TCERG1: variants seen among roughly 807,000 people sequenced by gnomAD.
The protein encoded by TCERG1 is transcription elongation regulator 1.
In TCERG1, 37 loss-of-function variants were observed where a neutral mutation model predicts 144.7. The ratio of observed to expected loss-of-function variants is 0.26; its 90% CI spans 0.20 to 0.34. The LOEUF (loss-of-function observed/expected upper bound fraction) is 0.34. Ranked by LOEUF, TCERG1 falls within the 10% of genes least tolerant of loss-of-function variation. The pLI is 1.00. For synonymous variants in TCERG1, 492 were observed against 458.2 expected (o/e 1.07, Z -0.94); for missense variants, 1,027 against 1,380.7 (o/e 0.74, Z 4.06).
intron 9 of TCERG1, among the ~76,000 whole-genome samples, chr5:146,475,527 C>A (rs1315587415): frequency 2.0e-5 from 3 of 152,106 alleles, no homozygotes; most frequent in East Asian, 3.8e-4. Context: ...CTTACCTAGC[C>A]CAATATGTCA....
intron 12 of TCERG1, among the ~76,000 whole-genome samples, 174 bp from the exon 13 acceptor site, chr5:146,480,976 T>TTA (rs1765315492): frequency 1.3e-5 from 2 of 148,348 alleles, no homozygotes; most frequent in Non-Finnish European, 3.0e-5. Flanking sequence ...GCTTTTTTTT[T>TTA]AAAAAAAAAA....
intron 15 of TCERG1, 128 bp from the exon 16 acceptor site, chr5:146,492,792 G>A (rs896139269): frequency 3.1e-6 from 2 of 638,128 alleles, no homozygotes; most frequent in South Asian, 4.2e-5. Flanking sequence ...TAGATTATCT[G>A]TGTATAATTA....
At chr5:146,497,812 T>G (rs1306150878) in intron 16 of TCERG1, among the ~76,000 whole-genome samples, 1 of 152,208 alleles carries the variant, frequency 6.6e-6, no homozygotes, top group Non-Finnish European at 1.5e-5. Context: ...CTATTCTCCC[T>G]TTAATACTAC....
At position 146,459,247 on chromosome 5, in the gene TCERG1, C is replaced by T; in HGVS notation, c.802C>T (p.Pro268Ser). 6.2e-7 allele frequency: 1 copy of T among 1,614,274 alleles called. No individual in the cohort carries two copies. Among genetic ancestry groups the T allele is most frequent in the Non-Finnish European group, 8.5e-7 (1 of 1,180,050 alleles). Reference protein sequence around the residue: ...ASTPTTSSPAPAVSTSTSSST... With the variant: ...ASTPTTSSPASAVSTSTSSST... Reference sequence around the variant, plus strand: ...CACCCCTACGACCAGTAGCCCAGCACCTGCAGTATCCACTTCAACATCATC... The same window carrying T: ...CACCCCTACGACCAGTAGCCCAGCATCTGCAGTATCCACTTCAACATCATC... The change falls in exon 4 of 23, where the codon CCT (proline) becomes TCT (serine). Residue 268 changes from proline (P) to serine (S), a missense_variant. By Grantham distance (74) the Pro-to-Ser change is moderately conservative. Around this residue, in one of 6 missense-constraint regions of TCERG1, gnomAD observed 187 missense variants for 169.1 expected, o/e 1.11. Coordinates refer to ENST00000679501, the MANE Select transcript of TCERG1 (RefSeq NM_001382548.1).
Position 146,480,195 on chromosome 5 carries a change from A to AGG in TCERG1, c.1886+102_1886+103dup, listed in dbSNP as rs1295129403. On this transcript the variant is annotated intron_variant, in intron 12 of 22. Coordinates refer to ENST00000679501, the MANE Select transcript of TCERG1 (RefSeq NM_001382548.1). ...AGGGACAGGTAATGTGAATGTTGTTAGGAGGCATGATTGCTCTCTTAGGCC... is the reference window on the plus strand; with the variant it reads ...AGGGACAGGTAATGTGAATGTTGTTAGGGGAGGCATGATTGCTCTCTTAGGCC... The AGG allele has an allele frequency of 2.8e-5, 24 of 872,160 alleles. No homozygotes were observed. The African/African-American group carries it at 3.6e-4, about 13-fold the overall frequency. 54.0% of individuals were successfully genotyped at this position (872,160 alleles called of 1,614,324 possible).
At chr5:146,469,429 C>G in intron 6 of TCERG1, 115 bp from the exon 7 acceptor site, 1 of 823,572 alleles carries the variant, frequency 1.2e-6, no homozygotes, top group Non-Finnish European at 1.8e-6. Flanking sequence ...TGTTTTGTTC[C>G]AACTGGTCCA....
intron 16 of TCERG1, among the ~76,000 whole-genome samples, chr5:146,493,693 G>T (rs1464906466): frequency 6.6e-6 from 1 of 152,022 alleles, no homozygotes; most frequent in African/African-American, 2.4e-5. Context: ...AGGTACTTAC[G>T]TGATACCTGT....
intron 5 of TCERG1, 31 bp downstream of exon 5, chr5:146,463,824 G>A (rs1763544222): frequency 6.2e-7 from 1 of 1,612,784 alleles, no homozygotes; most frequent in Non-Finnish European, 8.5e-7. Flanking sequence ...GGTCTTTCCA[G>A]CTATGTTTTC....
chr5:146,493,692 C>T (rs751271849), intron 16 of TCERG1, among the ~76,000 whole-genome samples: 3 of 152,048 alleles, frequency 2.0e-5, no homozygotes, highest in African/African-American at 4.8e-5. Context: ...TAGGTACTTA[C>T]GTGATACCTG....
chr5:146,453,318 A>G (rs1298280347), intron 1 of TCERG1, among the ~76,000 whole-genome samples: 1 of 152,158 alleles, frequency 6.6e-6, no homozygotes, highest in Non-Finnish European at 1.5e-5. Flanking sequence ...AATTTACAAA[A>G]TGTCGCAAAA....
At chr5:146,495,669 T>C (rs892737600) in intron 16 of TCERG1, among the ~76,000 whole-genome samples, 1 of 152,194 alleles carries the variant, frequency 6.6e-6, no homozygotes, top group Non-Finnish European at 1.5e-5. Flanking sequence ...TAACCTTCAG[T>C]TGATGTTTTA....
chr5:146,499,669 A>C (rs1375826222), intron 17 of TCERG1: 1 of 152,246 alleles, frequency 6.6e-6, no homozygotes, highest in Admixed American at 6.5e-5. Context: ...TGATTTTAGA[A>C]TAACCTATTT....
intron 13 of TCERG1, chr5:146,481,569 A>G (rs1343763349): frequency 6.6e-6 from 1 of 152,084 alleles, no homozygotes; most frequent in Non-Finnish European, 1.5e-5. Context: ...AGTTCCATTT[A>G]AATCTCTGGG....
chr5:146,448,033 C>T (rs1030536246), intron 1 of TCERG1, among the ~76,000 whole-genome samples: 9 of 152,212 alleles, frequency 5.9e-5, no homozygotes, highest in African/African-American at 1.7e-4. Flanking sequence ...TTACCGTGTG[C>T]CAGTAAACCC....
intron 5 of TCERG1, among the ~76,000 whole-genome samples, chr5:146,466,340 T>C (rs1442269740): frequency 2.0e-5 from 3 of 152,132 alleles, no homozygotes; most frequent in Admixed American, 1.3e-4. Context: ...ATGAGGATGA[T>C]TGAGGAACGG....
chr5:146,493,933 T>C (rs1310691373), intron 16 of TCERG1, among the ~76,000 whole-genome samples: 1 of 152,140 alleles, frequency 6.6e-6, no homozygotes, highest in Non-Finnish European at 1.5e-5. Flanking sequence ...TCATCTTATA[T>C]AAATAGTTAA....
chr5:146,505,940 C>T (rs188818008), intron 19 of TCERG1, among the ~76,000 whole-genome samples: 2 of 152,220 alleles, frequency 1.3e-5, no homozygotes, highest in East Asian at 3.9e-4. Context: ...CCACACACAG[C>T]TCATTTTTGT....
intron 9 of TCERG1, 137 bp from the exon 10 acceptor site, chr5:146,478,356 C>G: frequency 2.4e-6 from 2 of 847,462 alleles, no homozygotes; most frequent in Non-Finnish European, 3.3e-6. Flanking sequence ...GTTTGGTTCT[C>G]TGTAAATAAC....
At chr5:146,451,008 A>T (rs1762295820) in intron 1 of TCERG1, among the ~76,000 whole-genome samples, 2 of 152,208 alleles carry the variant, frequency 1.3e-5, no homozygotes, top group Non-Finnish European at 2.9e-5. Context: ...ACAACAAAAG[A>T]CGGAGTCCTA....
Sources: gnomAD v4.1 joint callset for allele counts (sites outside exome capture counted in the v4.1 genomes callset) on GRCh38, gnomAD v4.1.1 for gene constraint, gnomAD v4.1.1 regional missense constraint, MANE v1.5 for transcripts, NCBI Gene and HGNC (gene_info 2026-07-23, HGNC 2026-07-21) for gene names.